ZNF654: variants seen among roughly 807,000 people sequenced by gnomAD.
The protein encoded by ZNF654 is zinc finger protein 654.
Under a neutral mutation model 95.3 loss-of-function variants are expected in ZNF654, and 19 were observed. The observed-to-expected ratio is 0.20, with a 90% confidence interval of 0.14 to 0.29. ZNF654 has a LOEUF of 0.29. Ranked by LOEUF, ZNF654 falls within the 10% of genes least tolerant of loss-of-function variation. ZNF654 has a pLI of 1.00. For synonymous variants in ZNF654, 413 were observed against 457.9 expected (o/e 0.90, Z 1.25); for missense variants, 1,046 against 1,341.0 (o/e 0.78, Z 3.44).
rs770042257 is a variant in ZNF654 at position 88,140,144 on chromosome 3, G to A, written c.2475G>A (p.Ser825=). 17 of 1,613,740 alleles carry A rather than the reference G, an allele frequency of 1.1e-5. No homozygotes were observed. The highest frequency in any genetic ancestry group is 4.4e-5 in the South Asian group (4 of 91,084). ...GTTTGCATTTTAATTGCAACGAGTCGTTTAAGCTGCCGTTCCAGCTTGCCC... is the reference window on the plus strand; with the variant it reads ...GTTTGCATTTTAATTGCAACGAGTCATTTAAGCTGCCGTTCCAGCTTGCCC... ...YFCLHFNCNE[S]FKLPFQLAQH... The change falls in exon 8 of 9, where the codon TCG becomes TCA. Residue 825 remains serine, a synonymous_variant. Coordinates refer to ENST00000636215, the MANE Select transcript of ZNF654 (RefSeq NM_001350134.2).
intron 1 of ZNF654, 103 bp downstream of exon 1, chr3:88,059,608 T>C: frequency 7.0e-6 from 9 of 1,279,762 alleles, no homozygotes; most frequent in Non-Finnish European, 8.0e-6. Context: ...CAGTGCCCGC[T>C]CCTCCCCAAC....
At chr3:88,059,568 G>C (rs775075199) in intron 1 of ZNF654, 63 bp downstream of exon 1, 1 of 1,443,444 alleles carries the variant, frequency 6.9e-7, no homozygotes, top group Non-Finnish European at 9.0e-7. Context: ...GCGTCTCCTG[G>C]TCTTCTCGTC....
chr3:88,132,514 C>T (rs937078781), intron 6 of ZNF654, among the ~76,000 whole-genome samples: 14 of 151,942 alleles, frequency 9.2e-5, no homozygotes, highest in Non-Finnish European at 2.1e-4. Flanking sequence ...TTTTGTTTTC[C>T]TTCAGAATCC....
At chr3:88,085,232 A>G (rs1443189740) in intron 1 of ZNF654, among the ~76,000 whole-genome samples, 1 of 152,186 alleles carries the variant, frequency 6.6e-6, no homozygotes, top group South Asian at 2.1e-4. Context: ...TTTTTTCTGT[A>G]AAAGGACAGA....
intron 2 of ZNF654, among the ~76,000 whole-genome samples, chr3:88,107,010 A>G (rs1238731102): frequency 6.6e-6 from 1 of 152,200 alleles, no homozygotes; most frequent in African/African-American, 2.4e-5. Flanking sequence ...TTAATTATAG[A>G]GGCTTTACAA....
chr3:88,079,913 C>G (rs143408417), intron 1 of ZNF654, among the ~76,000 whole-genome samples: 7 of 152,100 alleles, frequency 4.6e-5, no homozygotes, highest in Non-Finnish European at 7.4e-5. Flanking sequence ...AGATTTCACA[C>G]AAGTTTTAAC....
At position 88,126,262 on chromosome 3, in the gene ZNF654, G is replaced by A. The variant is rs1323023490; in HGVS notation, c.543G>A (p.Gln181=). The change falls in exon 4 of 9, where the codon CAG becomes CAA. Residue 181 remains glutamine, a synonymous_variant. Transcript: ENST00000636215. ...QAVLKAQPAS[Q]EIVNKYLSSE... ...TCCTTAAAGCTCAGCCAGCATCTCA[G>A]GAGATAGGTACTTCAGGAGATTCAA... 21 of 1,509,596 alleles carry A rather than the reference G, an allele frequency of 1.4e-5. No individual in the cohort carries two copies. In the East Asian group the frequency reaches 4.9e-4, roughly 35 times the overall value. The allele number at this position is 1,509,596 out of a possible 1,614,324, so 93.5% of individuals were successfully genotyped here.
At chr3:88,111,408 C>G (rs1705082272) in intron 2 of ZNF654, among the ~76,000 whole-genome samples, 1 of 151,918 alleles carries the variant, frequency 6.6e-6, no homozygotes, top group African/African-American at 2.4e-5. Context: ...CCCCCACCCC[C>G]TGACCCCTCA....
At chr3:88,072,963 TA>T (rs1438494397) in intron 1 of ZNF654, among the ~76,000 whole-genome samples, 5 of 57,080 alleles carry the variant, frequency 8.8e-5, no homozygotes, top group Non-Finnish European at 1.1e-4. Context: ...ACTTGACTCT[TA>T]AAAAAATTGT....
At chr3:88,134,856 G>A (rs1475453193) in intron 6 of ZNF654, among the ~76,000 whole-genome samples, 1 of 151,928 alleles carries the variant, frequency 6.6e-6, no homozygotes, top group East Asian at 1.9e-4. Flanking sequence ...CCTTACTACT[G>A]TATATTTGTG....
intron 1 of ZNF654, 128 bp from the exon 2 acceptor site, chr3:88,086,125 ATCCC>A: frequency 1.5e-6 from 1 of 678,750 alleles, no homozygotes; most frequent in Non-Finnish European, 2.4e-6. Flanking sequence ...AGTATAGAAG[ATCCC>A]TCCCTCCAGT....
chr3:88,077,357 G>A (rs975890853), intron 1 of ZNF654, among the ~76,000 whole-genome samples: 14 of 145,322 alleles, frequency 9.6e-5, no homozygotes, highest in African/African-American at 3.1e-4. Flanking sequence ...TTTTTGAGAC[G>A]GAGTCTCGCT....
intron 4 of ZNF654, among the ~76,000 whole-genome samples, chr3:88,128,452 A>G (rs771819537): frequency 3.9e-5 from 6 of 152,114 alleles, no homozygotes; most frequent in Non-Finnish European, 7.4e-5. Flanking sequence ...CAGTAAGAAG[A>G]TAAAGTATGT....
chr3:88,096,429 A>G (rs1222998528), intron 2 of ZNF654, among the ~76,000 whole-genome samples: 1 of 152,076 alleles, frequency 6.6e-6, no homozygotes, highest in Non-Finnish European at 1.5e-5. Flanking sequence ...CAGAGGGGTA[A>G]GGGGAGAAAG....
At chr3:88,098,371 G>C (rs1171018444) in intron 2 of ZNF654, among the ~76,000 whole-genome samples, 1 of 152,206 alleles carries the variant, frequency 6.6e-6, no homozygotes, top group Admixed American at 6.5e-5. Context: ...TCCAGGACCA[G>C]ATGGATTCAC....
intron 5 of ZNF654, among the ~76,000 whole-genome samples, chr3:88,129,321 T>TAAA (rs11370327): frequency 5.7e-4 from 44 of 76,882 alleles, no homozygotes; most frequent in East Asian, 7.9e-4. Flanking sequence ...TTGCCAGGAG[T>TAAA]AAAAAAAAAA....
At chr3:88,075,848 CA>C (rs1707772524) in intron 1 of ZNF654, among the ~76,000 whole-genome samples, 1 of 152,018 alleles carries the variant, frequency 6.6e-6, no homozygotes, top group South Asian at 2.1e-4. Flanking sequence ...CCAAGTGCAT[CA>C]AAAAGCATTC....
chr3:88,061,979 T>C (rs1235468349), intron 1 of ZNF654, among the ~76,000 whole-genome samples: 2 of 152,122 alleles, frequency 1.3e-5, no homozygotes, highest in East Asian at 3.8e-4. Context: ...TCTTGGCAGT[T>C]AGTTGTGTGG....
At chr3:88,132,835 C>T (rs1706545984) in intron 6 of ZNF654, among the ~76,000 whole-genome samples, 1 of 152,134 alleles carries the variant, frequency 6.6e-6, no homozygotes, top group African/African-American at 2.4e-5. Context: ...AACAGTCATA[C>T]AGCTAGTAAG....
Sources: allele counts gnomAD v4.1 joint callset (sites outside exome capture counted in the v4.1 genomes callset), GRCh38; gene constraint gnomAD v4.1.1; transcripts MANE v1.5; gene names NCBI Gene and HGNC (gene_info 2026-07-23, HGNC 2026-07-21).